SLC39A12: variants seen among roughly 807,000 people sequenced by gnomAD.
SLC39A12 encodes the protein zinc transporter ZIP12.
Under a neutral mutation model 71.1 loss-of-function variants are expected in SLC39A12, and 63 were observed. The ratio of observed to expected loss-of-function variants is 0.89; its 90% confidence interval spans 0.72 to 1.09. The LOEUF (loss-of-function observed/expected upper bound fraction) is 1.09. Ranked by LOEUF, SLC39A12 falls within the 50% of genes least tolerant of loss-of-function variation. The probability of loss-of-function intolerance (pLI) is 0.00; values close to 1 mark genes in which losing one functional copy is unlikely to be tolerated. For missense variants in SLC39A12, 892 were observed against 812.6 expected, an observed-to-expected ratio of 1.10 and a Z score of -1.19; for synonymous variants, 351 against 301.3, an observed-to-expected ratio of 1.16 and a Z score of -1.71.
intron 4 of SLC39A12, among the ~76,000 whole-genome samples, chr10:17,974,284 C>T (rs12243310): frequency 0.15 from 22,877 of 151,844 alleles, 1,881 homozygotes; most frequent in African/African-American, 0.22. Flanking sequence ...ATTCATTCGG[C>T]GAGGTCATTT....
chr10:17,979,922 G>T, intron 5 of SLC39A12, among the ~76,000 whole-genome samples: 1 of 152,158 alleles, frequency 6.6e-6, no homozygotes, highest in South Asian at 2.1e-4. Flanking sequence ...TAGAGTTGGG[G>T]CTTATATGGC....
At chr10:18,026,958 C>G (rs949499383) in intron 12 of SLC39A12, among the ~76,000 whole-genome samples, 4 of 152,208 alleles carry the variant, frequency 2.6e-5, no homozygotes, top group Non-Finnish European at 5.9e-5. Context: ...ACATATTAAT[C>G]ATAATGTTTT....
chr10:18,033,979 C>T (rs1836925979), intron 12 of SLC39A12, among the ~76,000 whole-genome samples: 1 of 147,582 alleles, frequency 6.8e-6, no homozygotes, highest in Non-Finnish European at 1.5e-5. Flanking sequence ...GATTCTTAAT[C>T]CTGAGTTCTA....
In SLC39A12 at chr10:18,000,786, A is replaced by G; in HGVS notation, c.1720A>G (p.Thr574Ala). The G allele has an allele frequency of 1.2e-6, 2 of 1,614,184 alleles. No individual in the cohort carries two copies. Among genetic ancestry groups the G allele is most frequent in the Non-Finnish European group, 1.7e-6 (2 of 1,180,008 alleles). Residue 574 changes from threonine to alanine, a missense_variant, in exon 11 of 13, where the codon ACG becomes GCG. Thr to Ala is a moderately conservative substitution (Grantham distance 58, BLOSUM62 0). Transcript: ENST00000377369. ...SSSSESGVTT[T>A]IAILCHEIPH... ...ATCATCCGAGTCAGGAGTGACCACT[A>G]CGATTGCTATCTTGTGTCATGAAAT...
At chr10:17,994,846 G>A (rs1350115375) in intron 9 of SLC39A12, among the ~76,000 whole-genome samples, 1 of 152,086 alleles carries the variant, frequency 6.6e-6, no homozygotes, top group Non-Finnish European at 1.5e-5. Context: ...CATTACATTT[G>A]TGTCAAAATT....
intron 12 of SLC39A12, among the ~76,000 whole-genome samples, chr10:18,042,227 C>T (rs905606934): frequency 6.6e-5 from 10 of 152,110 alleles, no homozygotes; most frequent in Non-Finnish European, 1.3e-4. Context: ...CTATAAGCCC[C>T]AGCACTTTGG....
Position 17,993,221 on chromosome 10 carries a change from A to T in SLC39A12, c.1463A>T (p.His488Leu). Residue 488 changes from histidine to leucine, a missense_variant, in exon 9 of 13, where the codon CAC becomes CTC. His to Leu is a moderately conservative substitution (Grantham distance 99). Transcript: ENST00000377369. ...SLVNGHVGHSHHLALNSELSD... is the reference protein window; with the variant it reads ...SLVNGHVGHSLHLALNSELSD... ...GTTAATGGGCACGTGGGTCATTCCC[A>T]CCATCTTGCACTCAACTCTGAATTA... 1.3e-6 allele frequency: 2 copies of T among 1,551,810 alleles called. No homozygotes were observed. Among genetic ancestry groups the T allele is most frequent in the Non-Finnish European group, 1.7e-6 (2 of 1,146,970 alleles).
At chr10:18,036,076 C>A (rs935035249) in intron 12 of SLC39A12, among the ~76,000 whole-genome samples, 4 of 152,232 alleles carry the variant, frequency 2.6e-5, no homozygotes, top group African/African-American at 9.6e-5. Context: ...ACATTTAAGT[C>A]TGCAGAGGTT....
At chr10:17,969,277 A>G (rs748716808) in intron 4 of SLC39A12, among the ~76,000 whole-genome samples, 3 of 152,154 alleles carry the variant, frequency 2.0e-5, no homozygotes, top group African/African-American at 4.8e-5. Context: ...TCTTCAATAT[A>G]CTAAGTTCGT....
chr10:17,953,122 A>G (rs1486137006), intron 1 of SLC39A12, 69 bp from the exon 2 acceptor site: 2 of 980,932 alleles, frequency 2.0e-6, no homozygotes, highest in Non-Finnish European at 3.0e-6. Context: ...TAGCCACCCA[A>G]TTAATGAATC....
In SLC39A12 at chr10:18,039,780, C is replaced by T. The variant is rs1451063679; in HGVS notation, c.1948-2925C>T. Reference sequence around the variant, plus strand: ...TTCCCATGTATGTACCTTGTTAATCCCTCAAGAGTACCATCAAATGCAAGC... The same window carrying T: ...TTCCCATGTATGTACCTTGTTAATCTCTCAAGAGTACCATCAAATGCAAGC... On this transcript the variant is annotated intron_variant, in intron 12 of 12. Transcript: ENST00000377369. Among the ~76,000 whole-genome samples, 3 of 152,116 alleles carry T rather than the reference C, an allele frequency of 2.0e-5. No individual in the cohort carries two copies. In the East Asian group the frequency reaches 5.8e-4, roughly 29 times the overall value.
chr10:18,005,943 C>G (rs578077435), intron 12 of SLC39A12: 5 of 152,078 alleles, frequency 3.3e-5, no homozygotes, highest in African/African-American at 7.2e-5. Flanking sequence ...TCTAAACAAA[C>G]GCAGCTCTTT....
chr10:18,038,199 G>C (rs1837118091), intron 12 of SLC39A12, among the ~76,000 whole-genome samples: 1 of 151,740 alleles, frequency 6.6e-6, no homozygotes, highest in African/African-American at 2.4e-5. Context: ...TTTTCTGGTG[G>C]ATAATGCCGT....
At chr10:18,035,752 T>C (rs1459541805) in intron 12 of SLC39A12, among the ~76,000 whole-genome samples, 7 of 152,334 alleles carry the variant, frequency 4.6e-5, no homozygotes, top group African/African-American at 7.2e-5. Flanking sequence ...AGTTTTTCTG[T>C]TCTGTTTTTT....
intron 12 of SLC39A12, among the ~76,000 whole-genome samples, chr10:18,036,118 C>G (rs1171994249): frequency 6.6e-6 from 1 of 152,032 alleles, no homozygotes; most frequent in African/African-American, 2.4e-5. Flanking sequence ...TGTGCCCTGC[C>G]CCCAGAGGTG....
At chr10:18,034,858 C>G (rs1836953545) in intron 12 of SLC39A12, among the ~76,000 whole-genome samples, 1 of 150,306 alleles carries the variant, frequency 6.7e-6, no homozygotes, top group African/African-American at 2.4e-5. Context: ...GACAAAATCT[C>G]TCAGCATTTG....
Position 17,977,940 on chromosome 10 carries a change from A to G in SLC39A12, c.790A>G (p.Thr264Ala), listed in dbSNP as rs773311070. 1.3e-5 allele frequency: 21 copies of G among 1,611,024 alleles called. No homozygotes were observed. The highest frequency in any genetic ancestry group is 1.8e-5 in the Non-Finnish European group (21 of 1,179,018). ...CCTCAACACTCTCTGGACCAGAAGT[A>G]CTTGTATCAAAAATGAGAAAATCCA... ...QLLNTLWTRS[T>A]CIKNEKIHQF... is the part of the protein sequence containing the mutation. The change falls in exon 5 of 13, where the codon ACT becomes GCT. Residue 264 changes from threonine (T) to alanine (A), a missense_variant. Transcript: ENST00000377369.
intron 4 of SLC39A12, among the ~76,000 whole-genome samples, chr10:17,968,464 T>G (rs772772920): frequency 5.3e-5 from 8 of 152,192 alleles, no homozygotes; most frequent in Non-Finnish European, 1.2e-4. Flanking sequence ...ATGGGAACTT[T>G]ACCCAAGTGG....
chr10:18,038,945 T>C (rs1242278279), intron 12 of SLC39A12, among the ~76,000 whole-genome samples: 2 of 152,208 alleles, frequency 1.3e-5, no homozygotes, highest in Non-Finnish European at 2.9e-5. Flanking sequence ...TCTCAAATTC[T>C]ATCTCTTGAA....
Sources: gnomAD v4.1 joint callset for allele counts (sites outside exome capture counted in the v4.1 genomes callset) on GRCh38, gnomAD v4.1.1 for gene constraint, MANE v1.5 for transcripts, NCBI Gene and HGNC (gene_info 2026-07-23, HGNC 2026-07-21) for gene names.